DNAJC7: variants seen among roughly 807,000 people sequenced by gnomAD.
DNAJC7 encodes DnaJ heat shock protein family (Hsp40) member C7.
A neutral mutation model predicts 67.4 loss-of-function variants in DNAJC7; 18 were observed. The ratio of observed to expected loss-of-function variants is 0.27; its 90% CI spans 0.18 to 0.40. The LOEUF is 0.40. Ranked by LOEUF, DNAJC7 falls within the 10% of genes least tolerant of loss-of-function variation. The probability of loss-of-function intolerance (pLI) is 1.00; values close to 1 mark genes in which losing one functional copy is unlikely to be tolerated. For synonymous variants in DNAJC7, 220 were observed against 207.8 expected (o/e 1.06, Z -0.50); for missense variants, 419 against 613.8 (o/e 0.68, Z 3.35).
intron 1 of DNAJC7, chr17:42,003,410 C>A (rs1555649717): frequency 1.3e-5 from 2 of 152,168 alleles, no homozygotes; most frequent in African/African-American, 4.8e-5. Context: ...AGCATGGCAG[C>A]AGCAAGAACT....
chr17:42,000,315 C>T (rs1555649311), intron 2 of DNAJC7, among the ~76,000 whole-genome samples, 167 bp downstream of exon 2: 1 of 151,262 alleles, frequency 6.6e-6, no homozygotes, highest in African/African-American at 2.4e-5. Flanking sequence ...GACGGGGTTT[C>T]GTCATGTTGG....
chr17:42,012,155 G>C (rs554906065), intron 1 of DNAJC7, among the ~76,000 whole-genome samples: 38 of 152,328 alleles, frequency 2.5e-4, no homozygotes, highest in Non-Finnish European at 4.4e-4. Context: ...AGTCACACTA[G>C]GTATATGCTG....
intron 1 of DNAJC7, chr17:42,014,369 T>C (rs2052205942): frequency 6.6e-6 from 1 of 151,948 alleles, no homozygotes; most frequent in South Asian, 2.1e-4. Flanking sequence ...GGTTTCACCA[T>C]GTTGGCCAGG....
Position 41,996,440 on chromosome 17 carries a change from G to C in DNAJC7, c.292-16C>G, listed in dbSNP as rs781818151. On this transcript the variant is annotated splice_polypyrimidine_tract_variant and intron_variant, in intron 3 of 13. Coordinates refer to ENST00000457167, the MANE Select transcript of DNAJC7 (RefSeq NM_003315.4). The stretch of plus-strand genomic sequence containing the variant: ...GTAGATGTCCCTAAAAGAACACCAA[G>C]AGGGAAGAAAAGAAGCATGATTGGC... 1 of 1,602,802 alleles carries C rather than the reference G, an allele frequency of 6.2e-7. No individual in the cohort carries two copies. Among genetic ancestry groups the C allele is most frequent in the South Asian group, 1.1e-5 (1 of 90,180 alleles).
At chr17:42,001,285 G>T (rs963321527) in intron 1 of DNAJC7, among the ~76,000 whole-genome samples, 2 of 152,074 alleles carry the variant, frequency 1.3e-5, no homozygotes, top group Non-Finnish European at 2.9e-5. Flanking sequence ...TGCCCTCTTT[G>T]TACTCCCTCC....
In DNAJC7 at chr17:41,988,112, A is replaced by G. The variant is rs183662962; in HGVS notation, c.919-202T>C. Among the ~76,000 whole-genome samples the G allele has an allele frequency of 1.2e-4, 18 of 152,352 alleles. No individual in the cohort carries two copies. The East Asian group carries it at 3.3e-3, about 28-fold the overall frequency. ...CTTGTATATGATACAAGCCAGGCACATCTGTCTTCAAGGATAAACTACCTT... is the reference window on the plus strand; with the variant it reads ...CTTGTATATGATACAAGCCAGGCACGTCTGTCTTCAAGGATAAACTACCTT... On this transcript the variant is annotated intron_variant, in intron 8 of 13. Coordinates refer to ENST00000457167, the MANE Select transcript of DNAJC7 (RefSeq NM_003315.4).
At chr17:41,983,536 C>A in intron 10 of DNAJC7, 27 bp downstream of exon 10, 1 of 1,558,548 alleles carries the variant, frequency 6.4e-7, no homozygotes, top group South Asian at 1.2e-5. Flanking sequence ...ACACAGTTCC[C>A]TAAAAAACAA....
intron 1 of DNAJC7, among the ~76,000 whole-genome samples, chr17:42,002,978 T>C (rs1567967098): frequency 6.6e-6 from 1 of 152,232 alleles, no homozygotes; most frequent in Non-Finnish European, 1.5e-5. Flanking sequence ...AACTGGACTT[T>C]GCCTCCCCAA....
At chr17:41,996,254 A>C in intron 4 of DNAJC7, 57 bp downstream of exon 4, 1 of 1,567,464 alleles carries the variant, frequency 6.4e-7, no homozygotes, top group East Asian at 2.2e-5. Context: ...TCAAGTAGCC[A>C]CTCCTCCCAA....
intron 2 of DNAJC7, among the ~76,000 whole-genome samples, chr17:41,997,829 C>T (rs1403710106): frequency 6.6e-6 from 1 of 152,118 alleles, no homozygotes; most frequent in Non-Finnish European, 1.5e-5. Flanking sequence ...GCTAGGATTA[C>T]AGGCATGTGC....
At chr17:42,012,490 G>T (rs2052147295) in intron 1 of DNAJC7, among the ~76,000 whole-genome samples, 1 of 152,102 alleles carries the variant, frequency 6.6e-6, no homozygotes, top group African/African-American at 2.4e-5. Flanking sequence ...AAAAAGAAAA[G>T]AAAACAATTT....
intron 1 of DNAJC7, among the ~76,000 whole-genome samples, chr17:42,008,147 T>C (rs761238696): frequency 1.1e-3 from 161 of 151,354 alleles, no homozygotes; most frequent in Non-Finnish European, 1.6e-3. Context: ...ACCCCATCTC[T>C]ACAAAAATAC....
chr17:42,006,653 C>T (rs1364669431), intron 1 of DNAJC7, among the ~76,000 whole-genome samples: 5 of 149,358 alleles, frequency 3.3e-5, no homozygotes, highest in African/African-American at 1.2e-4. Flanking sequence ...AAAAATTAGC[C>T]GGGCGTGGTG....
chr17:41,989,297 A>G, intron 7 of DNAJC7, 107 bp downstream of exon 7: 1 of 1,431,608 alleles, frequency 7.0e-7, no homozygotes, highest in Non-Finnish European at 9.4e-7. Context: ...GCAAAGCAGG[A>G]GGAAAAGCTA....
intron 10 of DNAJC7, among the ~76,000 whole-genome samples, chr17:41,983,194 A>G (rs954793861): frequency 1.3e-5 from 2 of 151,890 alleles, no homozygotes; most frequent in Non-Finnish European, 2.9e-5. Context: ...GCGCAATCTT[A>G]GCTCACTGCA....
Position 42,000,560 on chromosome 17 carries a change from T to C in DNAJC7, c.88A>G (p.Thr30Ala), listed in dbSNP as rs1331861900. The change falls in exon 2 of 14, where the codon ACT (threonine) becomes GCT (alanine). Residue 30 changes from threonine (T) to alanine (A), a missense_variant. Thr to Ala is a moderately conservative substitution (Grantham distance 58). This residue lies in a region of DNAJC7 where 63 missense variants were observed against 54.0 expected (regional missense o/e 1.17). Transcript: ENST00000457167. ...TATGCATTTCCTTGTTCCTTGAAAG[T>C]CTCTGCTTCCCTGAAAATGAAAGAG... is the stretch of plus-strand genomic sequence containing the variant. ...DDQEAKREAE[T>A]FKEQGNAYYA... is the part of the protein sequence containing the mutation. 6.2e-7 allele frequency: 1 copy of C among 1,608,940 alleles called. No homozygotes were observed. Among genetic ancestry groups the C allele is most frequent in the Non-Finnish European group, 8.5e-7 (1 of 1,177,354 alleles).
At chr17:42,007,021 G>A (rs966277657) in intron 1 of DNAJC7, among the ~76,000 whole-genome samples, 2 of 150,338 alleles carry the variant, frequency 1.3e-5, no homozygotes, top group African/African-American at 2.5e-5. Flanking sequence ...AGAATGGTGT[G>A]AACCCGGGAG....
In DNAJC7 at chr17:41,994,940, T is replaced by C. The variant is rs979012679; in HGVS notation, c.410A>G (p.Lys137Arg). 6.2e-7 allele frequency: 1 copy of C among 1,613,344 alleles called. No individual in the cohort carries two copies. Among genetic ancestry groups the C allele is most frequent in the East Asian group, 2.2e-5 (1 of 44,878 alleles). ...ATATTCCATGACTGCATTAGCATTC[T>C]TGAACTGCACCGGAAAATCAGACAT... Reference protein sequence around the residue: ...HKNAQAQQEFKNANAVMEYEK... With the variant: ...HKNAQAQQEFRNANAVMEYEK... Residue 137 changes from lysine to arginine, a missense_variant, in exon 5 of 14, where the codon AAG becomes AGG. By Grantham distance (26) the Lys-to-Arg change is conservative (BLOSUM62 2). This residue lies in a region of DNAJC7 where 179 missense variants were observed against 249.7 expected (regional missense o/e 0.72). Transcript: ENST00000457167.
Position 41,989,332 on chromosome 17 carries a change from C to T in DNAJC7, c.753+72G>A, listed in dbSNP as rs1359018559. 7 of 1,558,928 alleles carry T rather than the reference C, an allele frequency of 4.5e-6. No homozygotes were observed. The East Asian group carries it at 1.6e-4, about 35-fold the overall frequency. On this transcript the variant is annotated intron_variant, in intron 7 of 13. Coordinates refer to ENST00000457167, the MANE Select transcript of DNAJC7 (RefSeq NM_003315.4). ...ATCACATTCCTTGTGATTCTAAAAC[C>T]TTCCACTCTAGCCATCTTAAAGGTC...
Sources: allele counts gnomAD v4.1 joint callset (sites outside exome capture counted in the v4.1 genomes callset), GRCh38; gene constraint gnomAD v4.1.1; regional missense constraint gnomAD v4.1.1; transcripts MANE v1.5; gene names NCBI Gene and HGNC (gene_info 2026-07-23, HGNC 2026-07-21).